ACSL5: variants seen among roughly 807,000 people sequenced by gnomAD.
ACSL5 encodes the protein long-chain-fatty-acid--CoA ligase 5.
ACSL5 carries 50 observed loss-of-function variants against 84.9 expected under a neutral mutation model. The ratio of observed to expected loss-of-function variants is 0.59; its 90% CI spans 0.47 to 0.75. The LOEUF (loss-of-function observed/expected upper bound fraction) is 0.75, where lower values mean the gene tolerates loss of function less well. Among genes scored for constraint, ACSL5 ranks in the 30% least tolerant of loss-of-function variants. ACSL5 has a pLI of 0.00. For synonymous variants in ACSL5, 280 were observed against 300.7 expected (o/e 0.93, Z 0.71); for missense variants, 775 against 830.4 (o/e 0.93, Z 0.82).
intron 13 of ACSL5, among the ~76,000 whole-genome samples, chr10:112,417,515 A>AG (rs1463348194): frequency 1.3e-5 from 2 of 152,076 alleles, no homozygotes; most frequent in Admixed American, 1.3e-4. Flanking sequence ...AAAAAAAAAA[A>AG]AAAGTTTTAT....
At chr10:112,387,386 A>G (rs1351673305) in intron 1 of ACSL5, among the ~76,000 whole-genome samples, 2 of 152,242 alleles carry the variant, frequency 1.3e-5, no homozygotes, top group African/African-American at 4.8e-5. Context: ...AAAGGTTATC[A>G]GCTCTTTCCA....
chr10:112,378,522 C>T (rs763392025), intron 1 of ACSL5, among the ~76,000 whole-genome samples: 28 of 152,124 alleles, frequency 1.8e-4, no homozygotes, highest in Admixed American at 3.3e-4. Flanking sequence ...GCTGGGATTA[C>T]AGGTGTGAGC....
intron 10 of ACSL5, among the ~76,000 whole-genome samples, 153 bp from the exon 11 acceptor site, chr10:112,411,749 A>G (rs1029991914): frequency 6.0e-5 from 5 of 83,148 alleles, no homozygotes; most frequent in African/African-American, 2.4e-4. Context: ...TTTCTACACT[A>G]TATGCAGTTC....
intron 12 of ACSL5, 135 bp from the exon 13 acceptor site, chr10:112,416,753 C>T: frequency 1.0e-6 from 1 of 959,602 alleles, no homozygotes; most frequent in Non-Finnish European, 1.6e-6. Flanking sequence ...CATCATTATT[C>T]AGCAATCCAA....
chr10:112,409,986 C>T (rs913569366), intron 7 of ACSL5: 1 of 198,954 alleles, frequency 5.0e-6, no homozygotes, highest in Non-Finnish European at 9.0e-6. Context: ...GGTTCGCATG[C>T]CAGCTCCACA....
rs1260333489 is a variant in ACSL5, at chr10:112,413,249, C to T, written c.1025C>T (p.Thr342Ile). The T allele has an allele frequency of 1.2e-6, 2 of 1,614,204 alleles. No homozygotes were observed. Among genetic ancestry groups the T allele is most frequent in the East Asian group, 4.5e-5 (2 of 44,890 alleles). ...CGGTTGCTGGCTGACGACATGAAGA[C>T]TTTGAAGCCCACATTGTTTCCCGCG... ...DIRLLADDMK[T>I]LKPTLFPAVP... The change falls in exon 12 of 21, where the codon ACT (threonine) becomes ATT (isoleucine). Residue 342 changes from threonine (T) to isoleucine (I), a missense_variant. By Grantham distance (89) the Thr-to-Ile change is moderately conservative. Transcript: ENST00000354655.
intron 1 of ACSL5, among the ~76,000 whole-genome samples, chr10:112,386,400 G>A (rs1178212455): frequency 6.6e-6 from 1 of 151,730 alleles, no homozygotes; most frequent in Non-Finnish European, 1.5e-5. Context: ...CACCATGTTG[G>A]CCAGGCTGGT....
At chr10:112,388,018 A>G (rs146275522) in intron 1 of ACSL5, among the ~76,000 whole-genome samples, 26 of 142,462 alleles carry the variant, frequency 1.8e-4, no homozygotes, top group African/African-American at 6.3e-4. Flanking sequence ...AGCTCACTGC[A>G]ACTTCCGCCT....
At position 112,401,695 on chromosome 10, in the gene ACSL5, T is replaced by C. The variant is rs79145693; in HGVS notation, c.265+2686T>C. The stretch of plus-strand genomic sequence containing the variant: ...TTATTCCTTAGACACCAGCCTCTGC[T>C]AGCATTTTTATCAATCAAGAGGTGA... On this transcript the variant is annotated intron_variant, in intron 3 of 20. Transcript: ENST00000354655. Among the ~76,000 whole-genome samples, 315 of 152,362 alleles carry C rather than the reference T, an allele frequency of 2.1e-3. 10 individuals are homozygous for C. In the East Asian group the frequency reaches 0.049, roughly 24 times the overall value.
chr10:112,427,321 C>A lies in ACSL5; in HGVS notation c.2015C>A (p.Thr672Asn), dbSNP rs1233673863. Residue 672 changes from threonine (T) to asparagine (N), a missense_variant, in exon 21 of 21, where the codon ACC becomes AAC. By Grantham distance (65) the Thr-to-Asn change is moderately conservative (BLOSUM62 0). Coordinates refer to ENST00000354655, the MANE Select transcript of ACSL5 (RefSeq NM_203379.2). ...KRGELSKYFR[T>N]QIDSLYEHIQ... Reference sequence around the variant, plus strand: ...GGAGAGCTTTCCAAATACTTTCGGACCCAAATTGACAGCCTGTATGAGCAC... The same window carrying A: ...GGAGAGCTTTCCAAATACTTTCGGAACCAAATTGACAGCCTGTATGAGCAC... 6.2e-7 allele frequency: 1 copy of A among 1,613,676 alleles called. No individual in the cohort carries two copies. The highest frequency in any genetic ancestry group is 8.5e-7 in the Non-Finnish European group (1 of 1,179,826).
chr10:112,416,255 A>G (rs888345857), intron 12 of ACSL5, among the ~76,000 whole-genome samples: 8 of 152,008 alleles, frequency 5.3e-5, no homozygotes, highest in Admixed American at 3.9e-4. Context: ...GCAGATCACG[A>G]GGTCAGGAGA....
intron 1 of ACSL5, among the ~76,000 whole-genome samples, chr10:112,380,970 A>G (rs944452697): frequency 1.3e-5 from 2 of 152,036 alleles, no homozygotes; most frequent in Admixed American, 6.6e-5. Context: ...GGGTCCCACT[A>G]TGTTGCTCAG....
In ACSL5 at chr10:112,417,892, C is replaced by G; in HGVS notation, c.1265C>G (p.Pro422Arg). ...RVRVIVTGAA[P>R]MSTSVMTFFR... ...CGTGTAATTGTCACTGGAGCTGCCC[C>G]CATGTCCACTTCAGTCATGACATTC... Residue 422 changes from proline (P) to arginine (R), a missense_variant, in exon 14 of 21, where the codon CCC (proline) becomes CGC (arginine). Physicochemically the swap from Pro to Arg is moderately radical, Grantham distance 103 (BLOSUM62 -2). Coordinates refer to ENST00000354655, the MANE Select transcript of ACSL5 (RefSeq NM_203379.2). 2 of 1,613,946 alleles carry G rather than the reference C, an allele frequency of 1.2e-6. No homozygotes were observed. Among genetic ancestry groups the G allele is most frequent in the East Asian group, 2.2e-5 (1 of 44,860 alleles).
chr10:112,394,932 C>T lies in ACSL5; in HGVS notation c.-15C>T, dbSNP rs569489239. The T allele has an allele frequency of 1.9e-6, 3 of 1,612,958 alleles. No individual in the cohort carries two copies. Among genetic ancestry groups the T allele is most frequent in the Non-Finnish European group, 2.5e-6 (3 of 1,179,910 alleles). On this transcript the variant is annotated 5_prime_UTR_variant, in exon 2 of 21. Transcript: ENST00000354655. ...TTTTTTTTAAGGTCTGAATTTCCTGCTGCTGTTCACAAAGATGCTTTTTAT... is the reference window on the plus strand; with the variant it reads ...TTTTTTTTAAGGTCTGAATTTCCTGTTGCTGTTCACAAAGATGCTTTTTAT...
chr10:112,424,881 T>A (rs112466321), intron 17 of ACSL5: 1 of 153,154 alleles, frequency 6.5e-6, no homozygotes, highest in African/African-American at 2.4e-5. Flanking sequence ...GTGGAGCTGT[T>A]TGAGCCTGCT....
At chr10:112,410,178 A>T (rs1844144947) in intron 7 of ACSL5, 1 of 1,426,180 alleles carries the variant, frequency 7.0e-7, no homozygotes, top group South Asian at 1.3e-5. Flanking sequence ...TTTCTTTCAA[A>T]AAAGATTTAG....
At chr10:112,407,337 C>T (rs1434216590) in intron 5 of ACSL5, among the ~76,000 whole-genome samples, 1 of 152,174 alleles carries the variant, frequency 6.6e-6, no homozygotes, top group Non-Finnish European at 1.5e-5. Flanking sequence ...AATTCTTCTG[C>T]CTCAGCCTCC....
At chr10:112,414,751 T>C (rs1283713974) in intron 12 of ACSL5, among the ~76,000 whole-genome samples, 1 of 152,198 alleles carries the variant, frequency 6.6e-6, no homozygotes, top group Non-Finnish European at 1.5e-5. Context: ...TGGCACAAGA[T>C]GTCTCAACCT....
chr10:112,385,299 C>A (rs899506712), intron 1 of ACSL5, among the ~76,000 whole-genome samples: 4 of 152,150 alleles, frequency 2.6e-5, no homozygotes, highest in African/African-American at 9.7e-5. Context: ...AGAGCTTGAG[C>A]CCAACTAGTC....
Sources: allele counts gnomAD v4.1 joint callset (sites outside exome capture counted in the v4.1 genomes callset), GRCh38; gene constraint gnomAD v4.1.1; transcripts MANE v1.5; gene names NCBI Gene and HGNC (gene_info 2026-07-23, HGNC 2026-07-21).